SLC28A1: variants seen among roughly 807,000 people sequenced by gnomAD.
SLC28A1 encodes the protein sodium/nucleoside cotransporter 1.
In SLC28A1, 64 loss-of-function variants were observed where a neutral mutation model predicts 74.8. The ratio of observed to expected loss-of-function variants is 0.86; its 90% CI spans 0.70 to 1.05. The LOEUF is 1.05. Among genes scored for constraint, SLC28A1 ranks in the 50% least tolerant of loss-of-function variants. SLC28A1 has a pLI of 0.00. For synonymous variants in SLC28A1, 359 were observed against 335.0 expected, an observed-to-expected ratio of 1.07 and a Z score of -0.78; for missense variants, 828 against 822.8, an observed-to-expected ratio of 1.01 and a Z score of -0.08.
intron 1 of SLC28A1, 22 bp downstream of exon 1, chr15:84,884,773 A>AGAG (rs1964387192): frequency 1.0e-6 from 1 of 982,498 alleles, no homozygotes; most frequent in African/African-American, 1.7e-5. Flanking sequence ...GGACAGTAGG[A>AGAG]GAGGAGGGAA....
intron 10 of SLC28A1, among the ~76,000 whole-genome samples, chr15:84,920,460 A>G (rs1448923294): frequency 1.0e-4 from 2 of 19,114 alleles, no homozygotes; most frequent in Non-Finnish European, 2.1e-4. Context: ...AGGAAAGGAA[A>G]GGAAAGGGGA....
chr15:84,918,044 G>A (rs970873330), intron 9 of SLC28A1, among the ~76,000 whole-genome samples: 1 of 152,100 alleles, frequency 6.6e-6, no homozygotes, highest in Non-Finnish European at 1.5e-5. Context: ...CAGAAGTGGA[G>A]CACCAAAATG....
chr15:84,928,590 CTTTCTTTCTTTCTTTTCTTTCTTTCTTTT>C (rs1970851769), intron 12 of SLC28A1, among the ~76,000 whole-genome samples: 1 of 15,360 alleles, frequency 6.5e-5, no homozygotes, highest in African/African-American at 5.2e-4. Context: ...TTCTTTCTTT[CTTTCTTTCTTTCTTTTCTTTCTTTCTTTT>C]CTTTCTTTCT....
chr15:84,904,283 C>A, intron 7 of SLC28A1, 45 bp downstream of exon 7: 1 of 1,611,110 alleles, frequency 6.2e-7, no homozygotes, highest in South Asian at 1.1e-5. Context: ...GTTTGCCTCT[C>A]TCTTCTGCCC....
intron 9 of SLC28A1, among the ~76,000 whole-genome samples, chr15:84,909,374 C>A (rs1364488299): frequency 2.6e-5 from 4 of 152,162 alleles, no homozygotes; most frequent in African/African-American, 9.6e-5. Flanking sequence ...TTTCTTCCAA[C>A]AAAAATCTAT....
At position 84,897,746 on chromosome 15, in the gene SLC28A1, T is replaced by G. The variant is rs553988110; in HGVS notation, c.461+2623T>G. On this transcript the variant is annotated intron_variant, in intron 6 of 18. Coordinates refer to ENST00000394573, the MANE Select transcript of SLC28A1 (RefSeq NM_004213.5). ...AGGTCTTATTTCTTCTCTCAAACTGTATATTTGTACCCATTAATCAACTAC... is the reference window on the plus strand; with the variant it reads ...AGGTCTTATTTCTTCTCTCAAACTGGATATTTGTACCCATTAATCAACTAC... 8.5e-5 allele frequency among the ~76,000 whole-genome samples: 13 copies of G among 152,356 alleles called. No homozygotes were observed. In the South Asian group the frequency reaches 2.7e-3, roughly 32 times the overall value.
At chr15:84,891,089 G>C (rs979056007) in intron 5 of SLC28A1, among the ~76,000 whole-genome samples, 6 of 152,170 alleles carry the variant, frequency 3.9e-5, no homozygotes, top group Middle Eastern at 3.2e-3. Flanking sequence ...GGATGCTCAA[G>C]GACTTGGATT....
chr15:84,947,336 C>T (rs886300218), downstream of SLC28A1, among the ~76,000 whole-genome samples: 1 of 152,196 alleles, frequency 6.6e-6, no homozygotes, highest in African/African-American at 2.4e-5. Context: ...TGGCCCTCCG[C>T]CCCTTCCCTG....
chr15:84,895,293 TGTG>T, intron 6 of SLC28A1, 170 bp downstream of exon 6: 1 of 1,596,192 alleles, frequency 6.3e-7, no homozygotes, highest in South Asian at 1.1e-5. Context: ...GCAGCATCTT[TGTG>T]GTGTTTCACC....
intron 9 of SLC28A1, among the ~76,000 whole-genome samples, chr15:84,915,377 G>A (rs561879236): frequency 2.6e-5 from 4 of 152,328 alleles, no homozygotes; most frequent in African/African-American, 9.6e-5. Context: ...ATTCTCTTCA[G>A]GGTCCATTCT....
At chr15:84,904,795 CTAAATTCTGATGTGT>C (rs1966873661) in intron 7 of SLC28A1, among the ~76,000 whole-genome samples, 1 of 58,402 alleles carries the variant, frequency 1.7e-5, no homozygotes, top group African/African-American at 6.1e-5. Flanking sequence ...CTGATGTGTA[CTAAATTCTGATGTGT>C]ACTAAATTCT....
intron 15 of SLC28A1, among the ~76,000 whole-genome samples, chr15:84,936,206 G>A (rs1001531635): frequency 2.0e-5 from 3 of 150,982 alleles, no homozygotes; most frequent in African/African-American, 7.4e-5. Context: ...GCCTCCCAAA[G>A]TGCTGGGATT....
intron 13 of SLC28A1, among the ~76,000 whole-genome samples, chr15:84,933,808 C>G (rs953250751): frequency 6.6e-6 from 1 of 152,174 alleles, no homozygotes; most frequent in African/African-American, 2.4e-5. Flanking sequence ...AACCCCATCT[C>G]TATTTAAAAT....
rs767270518 is a variant in SLC28A1 at position 84,918,578 on chromosome 15, G to C, written c.850G>C (p.Gly284Arg). The change falls in exon 10 of 19, where the codon GGC becomes CGC. Residue 284 changes from glycine (G) to arginine (R), a missense_variant. Physicochemically the swap from Gly to Arg is moderately radical, Grantham distance 125 (BLOSUM62 -2). This residue lies in a region of SLC28A1 where 767 missense variants were observed against 753.5 expected (regional missense o/e 1.02). Transcript: ENST00000394573. ...SCVISVLYHV[G>R]LMQWVILKIA... is the part of the protein sequence containing the mutation. ...TGTCATATCCGTTCTCTACCACGTG[G>C]GCCTCATGCAGTGGGTGATCCTGAA... The C allele has an allele frequency of 6.2e-7, 1 of 1,613,764 alleles. No homozygotes were observed. Among genetic ancestry groups the C allele is most frequent in the Non-Finnish European group, 8.5e-7 (1 of 1,179,786 alleles).
chr15:84,967,228 T>G, the SLC28A1 span, among the ~76,000 whole-genome samples: 1 of 152,194 alleles, frequency 6.6e-6, no homozygotes, highest in Non-Finnish European at 1.5e-5. Context: ...TTGTGCACAT[T>G]GGGGAGCAGG....
At chr15:84,892,272 G>A (rs542921532) in intron 5 of SLC28A1, among the ~76,000 whole-genome samples, 1 of 152,178 alleles carries the variant, frequency 6.6e-6, no homozygotes, top group South Asian at 2.1e-4. Flanking sequence ...TGCTCTGGAG[G>A]GGAGGGGCAG....
At position 84,918,522 on chromosome 15, in the gene SLC28A1, A is replaced by T. The variant is rs780599742; in HGVS notation, c.796-2A>T. On this transcript the variant is annotated splice_acceptor_variant, in intron 9 of 18. Coordinates refer to ENST00000394573, the MANE Select transcript of SLC28A1 (RefSeq NM_004213.5). LOFTEE classifies it high-confidence loss of function. ...GCGGTCCTATGATCTCCTTCCCGGC[A>T]GGTTCTGCCCATCATTGTCTTTTTC... 41 of 1,613,298 alleles carry T rather than the reference A, an allele frequency of 2.5e-5. No homozygotes were observed. The African/African-American group carries it at 5.2e-4, about 20-fold the overall frequency.
intron 9 of SLC28A1, among the ~76,000 whole-genome samples, chr15:84,911,599 C>T (rs1413907258): frequency 6.6e-5 from 10 of 151,756 alleles, no homozygotes; most frequent in Admixed American, 5.2e-4. Flanking sequence ...TGGTGGCTCA[C>T]GCCTGTAATC....
In SLC28A1 at chr15:84,889,725, CTT is replaced by C. The variant is rs1567114064; in HGVS notation, c.186-717_186-716del. On this transcript the variant is annotated intron_variant, in intron 4 of 18. Coordinates refer to ENST00000394573, the MANE Select transcript of SLC28A1 (RefSeq NM_004213.5). ...CCTTCCTTCTTTCCTTCCTTCCTTC[CTT>C]CCTTCCTTCCTTCCTTCCTTCCTTC... 2.6e-3 allele frequency among the ~76,000 whole-genome samples: 124 copies of C among 48,446 alleles called. 2 individuals are homozygous for C. The highest frequency in any genetic ancestry group is 8.8e-3 in the Middle Eastern group (1 of 114). 31.8% of individuals were successfully genotyped at this position (48,446 alleles called of 152,430 possible).
Sources: gnomAD v4.1 joint callset for allele counts (sites outside exome capture counted in the v4.1 genomes callset) on GRCh38, gnomAD v4.1.1 for gene constraint, gnomAD v4.1.1 regional missense constraint, MANE v1.5 for transcripts, NCBI Gene and HGNC (gene_info 2026-07-23, HGNC 2026-07-21) for gene names.